Variants in ITPR3 observed in about 807,000 individuals in gnomAD.
ITPR3 encodes inositol 1,4,5-trisphosphate-gated calcium channel ITPR3.
A neutral mutation model predicts 293.2 loss-of-function variants in ITPR3; 173 were observed. The ratio of observed to expected loss-of-function variants is 0.59; its 90% CI spans 0.52 to 0.67. The LOEUF (loss-of-function observed/expected upper bound fraction) is 0.67. Among genes scored for constraint, ITPR3 ranks in the 30% least tolerant of loss-of-function variants. ITPR3 has a pLI of 0.00. For synonymous variants in ITPR3, 1,295 were observed against 1,444.4 expected, an observed-to-expected ratio of 0.90 and a Z score of 2.35; for missense variants, 2,796 against 3,592.1, an observed-to-expected ratio of 0.78 and a Z score of 5.66.
At chr6:33,685,987 C>G (rs1013648928) in intron 41 of ITPR3, 66 bp from the exon 42 acceptor site, 8 of 1,581,976 alleles carry the variant, frequency 5.1e-6, no homozygotes, top group Non-Finnish European at 6.9e-6. Context: ...CAAGATCGTG[C>G]TTCCCAGGCC....
intron 2 of ITPR3, among the ~76,000 whole-genome samples, chr6:33,649,744 T>A (rs115384840): frequency 0.012 from 1,829 of 152,284 alleles, 39 homozygotes; most frequent in Non-Finnish European, 0.014. Flanking sequence ...TGGTGCTTGA[T>A]TGAGCAGCAG....
chr6:33,669,227 C>G (rs574260389), intron 18 of ITPR3, 71 bp downstream of exon 18: 1 of 1,498,160 alleles, frequency 6.7e-7, no homozygotes, highest in East Asian at 2.3e-5. Context: ...GTCAGTCAAT[C>G]CCTGCTGAGG....
intron 43 of ITPR3, 33 bp downstream of exon 43, chr6:33,686,552 G>A (rs373632630): frequency 3.3e-6 from 5 of 1,500,932 alleles, no homozygotes; most frequent in East Asian, 4.5e-5. Context: ...TGAGTGCTGG[G>A]TGTGCATGTG....
intron 2 of ITPR3, among the ~76,000 whole-genome samples, chr6:33,641,638 G>A (rs971504338): frequency 2.0e-5 from 3 of 151,870 alleles, no homozygotes; most frequent in Non-Finnish European, 2.9e-5. Flanking sequence ...ACCCTACACC[G>A]TTGGCCCCTG....
Position 33,670,963 on chromosome 6 carries a change from G to A in ITPR3, c.2586+148G>A. 1 of 1,317,172 alleles carries A rather than the reference G, an allele frequency of 7.6e-7. No individual in the cohort carries two copies. Among genetic ancestry groups the A allele is most frequent in the Non-Finnish European group, 1.0e-6 (1 of 961,168 alleles). The allele number at this position is 1,317,172 out of a possible 1,614,324, so 81.6% of individuals were successfully genotyped here. On this transcript the variant is annotated intron_variant, in intron 20 of 57. Transcript: ENST00000605930. The surrounding 1 kb of genome is among the most constrained non-coding windows in gnomAD (Gnocchi z 6.7). ...GCCAGTGCAGGGGGACCGCATAGAA[G>A]GCTGGGATTCTCCAAGAGGCAGGCT...
At chr6:33,695,322 G>T in intron 57 of ITPR3, 1 of 576,302 alleles carries the variant, frequency 1.7e-6, no homozygotes, top group Non-Finnish European at 3.1e-6. Flanking sequence ...GGGTGGTGGG[G>T]CCCTCTGTCT....
chr6:33,640,655 A>G, intron 2 of ITPR3, 101 bp downstream of exon 2: 1 of 998,618 alleles, frequency 1.0e-6, no homozygotes, highest in Non-Finnish European at 1.5e-6. Flanking sequence ...TGGCTGGATT[A>G]GATGTGGCGC....
chr6:33,688,478 TG>T, intron 48 of ITPR3, 47 bp downstream of exon 48: 1 of 1,505,892 alleles, frequency 6.6e-7, no homozygotes, highest in Middle Eastern at 2.4e-4. Context: ...AGCTGTTCAC[TG>T]ATGCCCTGTT....
chr6:33,677,966 G>C (rs565581414), intron 28 of ITPR3, among the ~76,000 whole-genome samples: 2 of 151,962 alleles, frequency 1.3e-5, no homozygotes, highest in South Asian at 4.2e-4. Context: ...TCCTTACCTT[G>C]ACCCATGTTG....
intron 2 of ITPR3, among the ~76,000 whole-genome samples, chr6:33,647,864 G>A (rs938791403): frequency 2.0e-5 from 3 of 152,018 alleles, no homozygotes; most frequent in Non-Finnish European, 4.4e-5. Context: ...GGTGCGCTCC[G>A]AGAATGCAAG....
rs988362553 is a variant in ITPR3 at position 33,658,407 on chromosome 6, T to C, written c.370-263T>C. On this transcript the variant is annotated intron_variant, in intron 4 of 57. Coordinates refer to ENST00000605930, the MANE Select transcript of ITPR3 (RefSeq NM_002224.4). This position sits in a 1 kb window ranked among gnomAD's most constrained non-coding sequence, Gnocchi z 6.1. ...TCCCTCTTGGATCGTTGTAGGTTAC[T>C]TGAGCTAATCTATGTAAAGTATTTA... is the stretch of plus-strand genomic sequence containing the variant. Among the ~76,000 whole-genome samples, 1 of 152,242 alleles carries C rather than the reference T, an allele frequency of 6.6e-6. No individual in the cohort carries two copies. The highest frequency in any genetic ancestry group is 1.5e-5 in the Non-Finnish European group (1 of 68,034).
At position 33,682,454 on chromosome 6, in the gene ITPR3, G is replaced by A. The variant is rs1765102753; in HGVS notation, c.4477-70G>A. On this transcript the variant is annotated intron_variant, in intron 33 of 57. Coordinates refer to ENST00000605930, the MANE Select transcript of ITPR3 (RefSeq NM_002224.4). This position sits in a 1 kb window ranked among gnomAD's most constrained non-coding sequence, Gnocchi z 5.4. ...CCCATGCCCATTCTGATTGGGCCCTGGTTCCTGGACCTGGGGTTGCCCAGG... is the reference window on the plus strand; with the variant it reads ...CCCATGCCCATTCTGATTGGGCCCTAGTTCCTGGACCTGGGGTTGCCCAGG... 6.9e-7 allele frequency: 1 copy of A among 1,457,928 alleles called. No individual in the cohort carries two copies. Among genetic ancestry groups the A allele is most frequent in the Non-Finnish European group, 9.0e-7 (1 of 1,106,578 alleles). The allele number at this position is 1,457,928 out of a possible 1,614,324, so 90.3% of individuals were successfully genotyped here.
intron 49 of ITPR3, 91 bp from the exon 50 acceptor site, chr6:33,689,147 A>C: frequency 2.8e-6 from 4 of 1,434,842 alleles, no homozygotes; most frequent in Non-Finnish European, 3.8e-6. Context: ...GAAGGCGGCC[A>C]GGAGAAGGTG....
At chr6:33,651,249 C>T (rs1764183325) in intron 2 of ITPR3, among the ~76,000 whole-genome samples, 1 of 146,548 alleles carries the variant, frequency 6.8e-6, no homozygotes, top group Non-Finnish European at 1.5e-5. Flanking sequence ...TGCACTCCAG[C>T]CTGGGCGACA....
At chr6:33,681,397 G>A (rs9469557) in intron 33 of ITPR3, among the ~76,000 whole-genome samples, 2,669 of 152,298 alleles carry the variant, frequency 0.018, 79 homozygotes, top group African/African-American at 0.057. Flanking sequence ...GTTGATCATA[G>A]TGATCTTAGA....
chr6:33,668,713 G>A, intron 17 of ITPR3, 79 bp downstream of exon 17: 7 of 1,594,012 alleles, frequency 4.4e-6, no homozygotes, highest in Non-Finnish European at 5.1e-6. Context: ...GCCCTGTCTG[G>A]GTTCAGGCTG....
chr6:33,631,264 C>T (rs902108894), intron 1 of ITPR3, among the ~76,000 whole-genome samples: 2 of 152,112 alleles, frequency 1.3e-5, no homozygotes, highest in Non-Finnish European at 2.9e-5. Flanking sequence ...ACACCTGGGC[C>T]GGGGTGACCA....
intron 49 of ITPR3, 91 bp downstream of exon 49, chr6:33,688,872 G>A: frequency 6.5e-7 from 1 of 1,533,920 alleles, no homozygotes; most frequent in Non-Finnish European, 9.0e-7. Context: ...GCTGGCCTCT[G>A]AGGGCACCAG....
intron 55 of ITPR3, 146 bp downstream of exon 55, chr6:33,693,039 G>T (rs1765437329): frequency 3.9e-6 from 3 of 767,700 alleles, no homozygotes; most frequent in South Asian, 3.6e-5. Context: ...CCCAGAACTG[G>T]GGAGAACATG....
Sources: gnomAD v4.1 joint callset for allele counts (sites outside exome capture counted in the v4.1 genomes callset) on GRCh38, gnomAD v4.1.1 for gene constraint, Gnocchi (gnomAD v3.1) non-coding constraint, MANE v1.5 for transcripts, NCBI Gene and HGNC (gene_info 2026-07-23, HGNC 2026-07-21) for gene names.